DSCAM: variants seen among roughly 807,000 people sequenced by gnomAD.
DSCAM encodes DS cell adhesion molecule.
A neutral mutation model predicts 217.7 loss-of-function variants in DSCAM; 47 were observed. The observed-to-expected ratio is 0.22, with a 90% CI of 0.17 to 0.28. The LOEUF is 0.28. DSCAM is among the 10% of genes least tolerant of loss of function. The probability of loss-of-function intolerance (pLI) is 1.00; values close to 1 mark genes in which losing one functional copy is unlikely to be tolerated. For synonymous variants in DSCAM, 1,056 were observed against 1,015.3 expected (o/e 1.04, Z -0.76); for missense variants, 2,080 against 2,618.3 (o/e 0.79, Z 4.49).
In DSCAM at chr21:40,591,325, A is replaced by G. The variant is rs533457721; in HGVS notation, c.508+101485T>C. Among the ~76,000 whole-genome samples, 10 of 152,330 alleles carry G rather than the reference A, an allele frequency of 6.6e-5. No individual in the cohort carries two copies. The East Asian group carries it at 1.7e-3, about 26-fold the overall frequency. ...ATAAACAACATAAATATTTTTCCTC[A>G]TAGTTCAGGAGGCTGGGAATTCCAA... is the stretch of plus-strand genomic sequence containing the variant. On this transcript the variant is annotated intron_variant, in intron 3 of 32. Coordinates refer to ENST00000400454, the MANE Select transcript of DSCAM (RefSeq NM_001389.5).
At chr21:40,348,254 G>GCACA (rs2074584297) in intron 5 of DSCAM, among the ~76,000 whole-genome samples, 15 of 131,136 alleles carry the variant, frequency 1.1e-4, no homozygotes, top group Admixed American at 1.0e-3. Flanking sequence ...TACCCCATAC[G>GCACA]GTTCCTATCA....
Position 40,821,021 on chromosome 21 carries a change from C to T in DSCAM, c.43+25598G>A, listed in dbSNP as rs181192036. On this transcript the variant is annotated intron_variant, in intron 1 of 32. Coordinates refer to ENST00000400454, the MANE Select transcript of DSCAM (RefSeq NM_001389.5). ...TATGAACTGTAGTTGGGGAGGGCTT[C>T]GCAGATATATATATATCTTCACATA... is the stretch of plus-strand genomic sequence containing the variant. Among the ~76,000 whole-genome samples the T allele has an allele frequency of 3.3e-5, 5 of 149,904 alleles. No homozygotes were observed. In the East Asian group the frequency reaches 7.8e-4, roughly 23 times the overall value.
chr21:40,527,628 T>C (rs973841816), intron 3 of DSCAM, among the ~76,000 whole-genome samples: 1 of 152,178 alleles, frequency 6.6e-6, no homozygotes, highest in African/African-American at 2.4e-5. Flanking sequence ...TCAGCCTAAA[T>C]TGCCAGTTCA....
chr21:40,686,539 A>G (rs548592029), intron 3 of DSCAM, among the ~76,000 whole-genome samples: 17 of 152,256 alleles, frequency 1.1e-4, no homozygotes, highest in African/African-American at 3.4e-4. Flanking sequence ...TTCTTTTTTA[A>G]AGAAAAAATA....
At chr21:40,524,796 G>GT (rs2076387286) in intron 3 of DSCAM, among the ~76,000 whole-genome samples, 1 of 151,930 alleles carries the variant, frequency 6.6e-6, no homozygotes, top group Admixed American at 6.6e-5. Flanking sequence ...GGATCATGAG[G>GT]TCAGGAGTTC....
chr21:40,402,010 T>C lies in DSCAM; in HGVS notation c.509-32765A>G, dbSNP rs567006540. ...GTTGACAGGGAACATTTATGATTTC[T>C]AAATGGTCAAGTAAAATTTATTCTT... On this transcript the variant is annotated intron_variant, in intron 3 of 32. Coordinates refer to ENST00000400454, the MANE Select transcript of DSCAM (RefSeq NM_001389.5). 2.0e-5 allele frequency among the ~76,000 whole-genome samples: 3 copies of C among 149,074 alleles called. No individual in the cohort carries two copies. The East Asian group carries it at 6.1e-4, about 30-fold the overall frequency.
In DSCAM at chr21:40,417,143, T is replaced by C. The variant is rs1447954539; in HGVS notation, c.509-47898A>G. ...TCCTAAAATTTTCCTTTAATAGCAT[T>C]GTAAAGTTGTTAAGGTTGCGTGAAC... is the stretch of plus-strand genomic sequence containing the variant. On this transcript the variant is annotated intron_variant, in intron 3 of 32. Coordinates refer to ENST00000400454, the MANE Select transcript of DSCAM (RefSeq NM_001389.5). Among the ~76,000 whole-genome samples the C allele has an allele frequency of 3.3e-5, 5 of 152,326 alleles. No individual in the cohort carries two copies. The East Asian group carries it at 9.6e-4, about 29-fold the overall frequency.
chr21:40,324,051 C>T (rs111783058), intron 8 of DSCAM, among the ~76,000 whole-genome samples: 4,879 of 134,800 alleles, frequency 0.036, 271 homozygotes, highest in African/African-American at 0.13. Context: ...TGCAGTGAGC[C>T]GATATTGTGC....
intron 32 of DSCAM, among the ~76,000 whole-genome samples, chr21:40,021,466 G>C (rs1043772579): frequency 6.6e-6 from 1 of 152,044 alleles, no homozygotes; most frequent in Non-Finnish European, 1.5e-5. Flanking sequence ...ATCCATCACT[G>C]GGGCACCCAT....
rs566927630 is a variant in DSCAM at position 40,574,445 on chromosome 21, A to G, written c.508+118365T>C. On this transcript the variant is annotated intron_variant, in intron 3 of 32. Coordinates refer to ENST00000400454, the MANE Select transcript of DSCAM (RefSeq NM_001389.5). ...GCTTCTTTTATGAGAAATACTCAAA[A>G]AACTAAGAATAAAAGAGAACTTTCA... is the stretch of plus-strand genomic sequence containing the variant. Among the ~76,000 whole-genome samples, 10 of 152,332 alleles carry G rather than the reference A, an allele frequency of 6.6e-5. No homozygotes were observed. In the South Asian group the frequency reaches 2.1e-3, roughly 32 times the overall value.
intron 14 of DSCAM, among the ~76,000 whole-genome samples, chr21:40,181,156 C>A (rs41441952): frequency 0.066 from 10,029 of 152,144 alleles, 1,061 homozygotes; most frequent in African/African-American, 0.22. Context: ...TCCATGCATA[C>A]ATTTCTGTTT....
chr21:40,141,775 G>A (rs2090293701), intron 18 of DSCAM, among the ~76,000 whole-genome samples: 2 of 152,072 alleles, frequency 1.3e-5, no homozygotes, highest in South Asian at 2.1e-4. Flanking sequence ...CTTTCCTGCT[G>A]GGGGCTGCAG....
chr21:40,817,540 A>G (rs535481768), intron 1 of DSCAM, among the ~76,000 whole-genome samples: 7 of 152,328 alleles, frequency 4.6e-5, no homozygotes, highest in Admixed American at 2.6e-4. Context: ...AATTAGTTTC[A>G]TCATCCATAA....
chr21:40,569,850 G>C (rs1387678610), intron 3 of DSCAM, among the ~76,000 whole-genome samples: 1 of 151,790 alleles, frequency 6.6e-6, no homozygotes, highest in African/African-American at 2.4e-5. Flanking sequence ...GATGTCAAGA[G>C]AGCAAAATAT....
chr21:40,185,399 A>T (rs2090882472), intron 14 of DSCAM, among the ~76,000 whole-genome samples: 1 of 152,194 alleles, frequency 6.6e-6, no homozygotes, highest in Non-Finnish European at 1.5e-5. Context: ...CAGGCCCAGC[A>T]GCGAATCCCA....
intron 3 of DSCAM, among the ~76,000 whole-genome samples, chr21:40,625,295 A>G (rs929510265): frequency 7.2e-5 from 11 of 152,182 alleles, no homozygotes; most frequent in Non-Finnish European, 1.3e-4. Context: ...ATCTTGGGGA[A>G]TAAGAGAAAA....
At chr21:40,491,478 T>C (rs1156837447) in intron 3 of DSCAM, among the ~76,000 whole-genome samples, 1 of 152,038 alleles carries the variant, frequency 6.6e-6, no homozygotes, top group Non-Finnish European at 1.5e-5. Flanking sequence ...CTCTGTCTTT[T>C]CTCAGTTCAG....
intron 2 of DSCAM, among the ~76,000 whole-genome samples, chr21:40,700,543 A>G (rs2090644375): frequency 6.6e-6 from 1 of 151,990 alleles, no homozygotes. Flanking sequence ...TATTCCTTTT[A>G]TATGTTGTTG....
intron 3 of DSCAM, among the ~76,000 whole-genome samples, chr21:40,484,343 T>A (rs1338678714): frequency 1.3e-5 from 2 of 152,204 alleles, no homozygotes; most frequent in African/African-American, 4.8e-5. Context: ...TTTACAACTC[T>A]GCAGAGATAG....
Sources: allele counts gnomAD v4.1 joint callset (sites outside exome capture counted in the v4.1 genomes callset), GRCh38; gene constraint gnomAD v4.1.1; transcripts MANE v1.5; gene names NCBI Gene and HGNC (gene_info 2026-07-23, HGNC 2026-07-21).